DNPEP: variants seen among roughly 807,000 people sequenced by gnomAD.
The protein encoded by DNPEP is aspartyl aminopeptidase.
DNPEP carries 46 observed loss-of-function variants against 59.1 expected under a neutral mutation model. The ratio of observed to expected loss-of-function variants is 0.78; its 90% CI spans 0.61 to 0.99. DNPEP has a LOEUF of 0.99. DNPEP is among the 50% of genes least tolerant of loss of function. The pLI is 0.00. For missense variants in DNPEP, 617 were observed against 649.9 expected (o/e 0.95, Z 0.55); for synonymous variants, 229 against 242.2 (o/e 0.95, Z 0.50).
chr2:219,394,294 A>G (rs1352380356), intron 1 of DNPEP, among the ~76,000 whole-genome samples: 3 of 152,134 alleles, frequency 2.0e-5, no homozygotes, highest in South Asian at 2.1e-4. Flanking sequence ...TCGTTGACCC[A>G]TGGGTCCTAT....
intron 10 of DNPEP, 54 bp from the exon 11 acceptor site, chr2:219,382,193 G>T: frequency 6.4e-7 from 1 of 1,570,510 alleles, no homozygotes; most frequent in Non-Finnish European, 8.6e-7. Flanking sequence ...GCCTGATCTT[G>T]GAAGCCAGTG....
Position 219,387,172 on chromosome 2 carries a change from G to C in DNPEP, c.37-9C>G. ...TTACCGTTCATGGCCACCTAGGGGA[G>C]GGGGATGCTCAGACTTTTACAAGGT... On this transcript the variant is annotated splice_polypyrimidine_tract_variant and intron_variant, in intron 1 of 14. Coordinates refer to ENST00000273075, the MANE Select transcript of DNPEP (RefSeq NM_012100.4). 1 of 1,553,384 alleles carries C rather than the reference G, an allele frequency of 6.4e-7. No homozygotes were observed. The highest frequency in any genetic ancestry group is 1.4e-5 in the African/African-American group (1 of 73,160).
upstream of DNPEP, chr2:219,388,429 C>T (rs1339675874): frequency 6.8e-6 from 1 of 146,792 alleles, no homozygotes. Flanking sequence ...CACGCTTCCT[C>T]GTCCGCCCCG....
At position 219,373,331 on chromosome 2, in the gene DNPEP, G is replaced by A. The variant is rs1953251184; in HGVS notation, c.*961C>T. Among the ~76,000 whole-genome samples, 1 of 151,940 alleles carries A rather than the reference G, an allele frequency of 6.6e-6. No homozygotes were observed. Among genetic ancestry groups the A allele is most frequent in the Non-Finnish European group, 1.5e-5 (1 of 68,000 alleles). On this transcript the variant is annotated 3_prime_UTR_variant, in exon 15 of 15. Coordinates refer to ENST00000273075, the MANE Select transcript of DNPEP (RefSeq NM_012100.4). ...GATCCGCCCACCTCAGCCTCCTAAAGTGCTGGGACTACAGGCATGACCCAT... is the reference window on the plus strand; with the variant it reads ...GATCCGCCCACCTCAGCCTCCTAAAATGCTGGGACTACAGGCATGACCCAT...
At chr2:219,399,012 G>A (rs528871080) in intron 1 of DNPEP, among the ~76,000 whole-genome samples, 8 of 152,352 alleles carry the variant, frequency 5.3e-5, no homozygotes, top group Non-Finnish European at 8.8e-5. Flanking sequence ...CTTTCAGTTC[G>A]TATTTCTAGG....
In DNPEP at chr2:219,386,284, A is replaced by G. The variant is rs1953827073; in HGVS notation, c.459+2T>C. ...TCCGCCATCCCCAACCTCGGTTCCC[A>G]CCTTGACAATGACGCGTCCAGCCAG... On this transcript the variant is annotated splice_donor_variant, in intron 5 of 14. Transcript: ENST00000273075. LOFTEE classifies it high-confidence loss of function. The G allele has an allele frequency of 6.2e-7, 1 of 1,613,992 alleles. No homozygotes were observed. Among genetic ancestry groups the G allele is most frequent in the Non-Finnish European group, 8.5e-7 (1 of 1,180,016 alleles).
chr2:219,376,502 AAAAG>A (rs1360849858), intron 13 of DNPEP, among the ~76,000 whole-genome samples: 2 of 151,984 alleles, frequency 1.3e-5, no homozygotes, highest in African/African-American at 2.4e-5. Context: ...AAAAAAAAGA[AAAAG>A]AAAAAAAAAG....
chr2:219,374,906 G>A lies in DNPEP; in HGVS notation c.1356C>T (p.Ile452=). The change falls in exon 14 of 15, where the codon ATC becomes ATT. Residue 452 remains isoleucine, a synonymous_variant. Transcript: ENST00000273075. The part of the protein sequence containing the change: ...LGSPQLAMHS[I]REMACTTGVL... ...CTCCTGTGGTGCAGGCCATCTCCCG[G>A]ATAGAGTGCATGGCCAGTTGGGGGC... is the stretch of plus-strand genomic sequence containing the variant. 2 of 1,614,168 alleles carry A rather than the reference G, an allele frequency of 1.2e-6. No homozygotes were observed. The highest frequency in any genetic ancestry group is 2.2e-5 in the East Asian group (1 of 44,884).
Position 219,373,717 on chromosome 2 carries a change from G to A in DNPEP, c.*575C>T, listed in dbSNP as rs1383124501. 1 of 152,418 alleles carries A rather than the reference G, an allele frequency of 6.6e-6. No homozygotes were observed. Among genetic ancestry groups the A allele is most frequent in the East Asian group, 1.9e-4 (1 of 5,196 alleles). 9.4% of individuals were successfully genotyped at this position (152,418 alleles called of 1,614,324 possible). On this transcript the variant is annotated 3_prime_UTR_variant, in exon 15 of 15. Coordinates refer to ENST00000273075, the MANE Select transcript of DNPEP (RefSeq NM_012100.4). ...TGATAATCTTTTTTCCTGATAATAT[G>A]TTCACAATCAAGTAATACCAGGGAC...
intron 13 of DNPEP, among the ~76,000 whole-genome samples, chr2:219,380,098 G>A (rs976488983): frequency 6.6e-6 from 1 of 151,936 alleles, no homozygotes; most frequent in South Asian, 2.1e-4. Context: ...CACTCACCCA[G>A]GGCAACTTCG....
At chr2:219,389,776 T>G (rs2125148996), upstream of DNPEP, among the ~76,000 whole-genome samples, 1 of 151,406 alleles carries the variant, frequency 6.6e-6, no homozygotes, top group Admixed American at 6.6e-5. Flanking sequence ...GAGGTTGCAG[T>G]GAGCTGAGAT....
At chr2:219,384,640 C>A in intron 8 of DNPEP, 197 bp from the exon 9 acceptor site, 1 of 462,462 alleles carries the variant, frequency 2.2e-6, no homozygotes, top group Non-Finnish European at 4.0e-6. Context: ...TCGATCTCGG[C>A]TCACTGCAAC....
chr2:219,386,764 C>CCTGGT lies in DNPEP; in HGVS notation c.229_233dup (p.Asn79ProfsTer8). On this transcript the variant is annotated frameshift_variant, in exon 4 of 15. Coordinates refer to ENST00000273075, the MANE Select transcript of DNPEP (RefSeq NM_012100.4). LOFTEE classifies it high-confidence loss of function. ...CAAAAGCTATGATGGTGGAGGAGTT[C>CCTGGT]CTGGTCATGAAGTACTGAGGAGAAG... 1 of 1,613,072 alleles carries CCTGGT rather than the reference C, an allele frequency of 6.2e-7. No individual in the cohort carries two copies. Among genetic ancestry groups the CCTGGT allele is most frequent in the Non-Finnish European group, 8.5e-7 (1 of 1,179,598 alleles).
chr2:219,385,058 T>G (rs1304235118), intron 8 of DNPEP: 1 of 210,458 alleles, frequency 4.8e-6, no homozygotes, highest in East Asian at 1.1e-4. Context: ...ATCCAAAGAT[T>G]TAGCAATCTC....
rs774285875 is a variant in DNPEP at position 219,383,197 on chromosome 2, A to G, written c.870T>C (p.Cys290=). The change falls in exon 10 of 15, where the codon TGT becomes TGC. Residue 290 remains cysteine, a synonymous_variant. Transcript: ENST00000273075. ...CTGTGGCCAGGGAGCCAGGGCCTGCACAGGAATCTATCAAGGCCTGGTTCA... is the reference window on the plus strand; with the variant it reads ...CTGTGGCCAGGGAGCCAGGGCCTGCGCAGGAATCTATCAAGGCCTGGTTCA... ...FCALQALIDS[C]AGPGSLATEP... 5 of 1,614,174 alleles carry G rather than the reference A, an allele frequency of 3.1e-6. No homozygotes were observed.
In DNPEP at chr2:219,372,523, G is replaced by A. The variant is rs1457703069; in HGVS notation, c.*1769C>T. 6.6e-6 allele frequency among the ~76,000 whole-genome samples: 1 copy of A among 151,896 alleles called. No homozygotes were observed. Among genetic ancestry groups the A allele is most frequent in the African/African-American group, 2.4e-5 (1 of 41,328 alleles). On this transcript the variant is annotated 3_prime_UTR_variant, in exon 15 of 15. Transcript: ENST00000273075. Reference sequence around the variant, plus strand: ...TGGGATTACAGGCACCCACCACCACGCATGGCTAATTTTTTTTGTATTTTT... The same window carrying A: ...TGGGATTACAGGCACCCACCACCACACATGGCTAATTTTTTTTGTATTTTT...
chr2:219,372,489 C>G lies in DNPEP; in HGVS notation c.*1803G>C, dbSNP rs1272516549. Among the ~76,000 whole-genome samples, 1 of 152,076 alleles carries G rather than the reference C, an allele frequency of 6.6e-6. No homozygotes were observed. The highest frequency in any genetic ancestry group is 1.5e-5 in the Non-Finnish European group (1 of 68,010). On this transcript the variant is annotated 3_prime_UTR_variant, in exon 15 of 15. Coordinates refer to ENST00000273075, the MANE Select transcript of DNPEP (RefSeq NM_012100.4). ...CAAGCTATTCTCCTGCCTCAGCCTC[C>G]CGAGTAGCTGGGATTACAGGCACCC... is the stretch of plus-strand genomic sequence containing the variant.
intron 13 of DNPEP, among the ~76,000 whole-genome samples, 182 bp downstream of exon 13, chr2:219,381,153 T>A (rs1045728842): frequency 6.6e-6 from 1 of 152,218 alleles, no homozygotes; most frequent in African/African-American, 2.4e-5. Flanking sequence ...GTCACACAGC[T>A]AGCACTGCAG....
At chr2:219,381,677 C>A in intron 11 of DNPEP, 93 bp from the exon 12 acceptor site, 1 of 1,370,252 alleles carries the variant, frequency 7.3e-7, no homozygotes, top group Non-Finnish European at 1.0e-6. Context: ...TAATAGATCA[C>A]CACTCTTTCC....
Sources: allele counts gnomAD v4.1 joint callset (sites outside exome capture counted in the v4.1 genomes callset), GRCh38; gene constraint gnomAD v4.1.1; transcripts MANE v1.5; gene names NCBI Gene and HGNC (gene_info 2026-07-23, HGNC 2026-07-21).